The following NOL4 variants were observed in gnomAD, a reference collection of about 807,000 sequenced individuals.
NOL4 encodes the protein nucleolar protein 4.
A neutral mutation model predicts 75.9 loss-of-function variants in NOL4; 17 were observed. The ratio of observed to expected loss-of-function variants is 0.22; its 90% confidence interval spans 0.15 to 0.34. NOL4 has a LOEUF of 0.34. Ranked by LOEUF, NOL4 falls within the 10% of genes least tolerant of loss-of-function variation. NOL4 has a pLI of 1.00. For missense variants in NOL4, 614 were observed against 793.5 expected, an observed-to-expected ratio of 0.77 and a Z score of 2.72; for synonymous variants, 292 against 289.9, an observed-to-expected ratio of 1.01 and a Z score of -0.07.
chr18:33,950,414 ATC>A (rs1384033706), intron 8 of NOL4, among the ~76,000 whole-genome samples: 1 of 152,156 alleles, frequency 6.6e-6, no homozygotes, highest in African/African-American at 2.4e-5. Context: ...AAATTATCTT[ATC>A]TCTCAACTAA....
chr18:34,047,416 T>G (rs970706409), intron 5 of NOL4, among the ~76,000 whole-genome samples: 2 of 152,058 alleles, frequency 1.3e-5, no homozygotes, highest in Admixed American at 1.3e-4. Context: ...TGGAAACAAT[T>G]AAAAAACATC....
In NOL4 at chr18:34,224,855, T is replaced by TA; in HGVS notation, c.-1603_-1602insT. ...GTGTGCGCGCGTCTCCGGGAAGGTC[T>TA]CGCGGCGGCTGGAGCCGGGACTGAC... On this transcript the variant is annotated 5_prime_UTR_variant, in exon 1 of 11. Transcript: ENST00000261592. 1 of 153,660 alleles carries TA rather than the reference T, an allele frequency of 6.5e-6. No individual in the cohort carries two copies. The highest frequency in any genetic ancestry group is 2.0e-4 in the South Asian group (1 of 4,984). 9.5% of individuals were successfully genotyped at this position (153,660 alleles called of 1,614,324 possible).
At chr18:33,859,516 G>A (rs1284147942) in intron 10 of NOL4, among the ~76,000 whole-genome samples, 1 of 151,936 alleles carries the variant, frequency 6.6e-6, no homozygotes, top group African/African-American at 2.4e-5. Context: ...AAACTCTATG[G>A]CTATCATTAT....
At chr18:34,032,415 T>C (rs1342936121) in intron 5 of NOL4, among the ~76,000 whole-genome samples, 1 of 151,976 alleles carries the variant, frequency 6.6e-6, no homozygotes, top group Admixed American at 6.6e-5. Flanking sequence ...GCCCAACTTC[T>C]CCCATCCCAG....
intron 6 of NOL4, among the ~76,000 whole-genome samples, chr18:34,003,317 T>A (rs1405839609): frequency 1.3e-5 from 2 of 152,112 alleles, no homozygotes; most frequent in Non-Finnish European, 2.9e-5. Flanking sequence ...ATTGAGCTTT[T>A]ATAGGGTAGC....
rs1490888555 is a variant in NOL4 at position 34,133,571 on chromosome 18, AATTGATTT to A, written c.265-3559_265-3552del. 1.4e-4 allele frequency among the ~76,000 whole-genome samples: 21 copies of A among 152,270 alleles called. No individual in the cohort carries two copies. In the East Asian group the frequency reaches 2.9e-3, roughly 21 times the overall value. On this transcript the variant is annotated intron_variant, in intron 1 of 10. Transcript: ENST00000261592. Reference sequence around the variant, plus strand: ...AAGGCAACTGGATAAAACAATAGGTAATTGATTTATTGGAATAATAACATAGAGAAATG... The same window carrying A: ...AAGGCAACTGGATAAAACAATAGGTAATTGGAATAATAACATAGAGAAATG...
chr18:34,107,831 C>G (rs1568350958), intron 2 of NOL4, among the ~76,000 whole-genome samples: 1 of 152,028 alleles, frequency 6.6e-6, no homozygotes, highest in African/African-American at 2.4e-5. Flanking sequence ...CTTGAATAAC[C>G]ATCCATGCAC....
At chr18:34,221,127 C>T (rs1225942936) in intron 1 of NOL4, 1 of 152,134 alleles carries the variant, frequency 6.6e-6, no homozygotes, top group Non-Finnish European at 1.5e-5. Flanking sequence ...TGAGTATAAA[C>T]TCATTGTACC....
In NOL4 at chr18:34,019,453, A is replaced by T; in HGVS notation, c.921T>A (p.Ser307Arg). 1 of 1,613,780 alleles carries T rather than the reference A, an allele frequency of 6.2e-7. No homozygotes were observed. Among genetic ancestry groups the T allele is most frequent in the Non-Finnish European group, 8.5e-7 (1 of 1,179,946 alleles). ...TTAGCTGCGCAGAGAGGGGACTGTC[A>T]CTCAGGTTCAGTGGCTGTTCATCTT... ...LEQDEQPLNL[S>R]DSPLSAQLTS... Residue 307 changes from serine to arginine, a missense_variant, in exon 6 of 11, where the codon AGT becomes AGA. This residue lies in a region of NOL4 where 196 missense variants were observed against 167.9 expected (regional missense o/e 1.17). Coordinates refer to ENST00000261592, the MANE Select transcript of NOL4 (RefSeq NM_003787.5).
At chr18:33,993,800 T>A (rs187008215) in intron 6 of NOL4, among the ~76,000 whole-genome samples, 364 of 151,820 alleles carry the variant, frequency 2.4e-3, no homozygotes, top group Non-Finnish European at 4.2e-3. Context: ...AGTTGAAAAG[T>A]ATAGTGATTG....
At chr18:34,146,117 T>C (rs190491562) in intron 1 of NOL4, among the ~76,000 whole-genome samples, 1 of 152,194 alleles carries the variant, frequency 6.6e-6, no homozygotes, top group East Asian at 1.9e-4. Context: ...CAAGGGACTT[T>C]CCATTGCATC....
chr18:33,869,412 T>C (rs1410246727), intron 10 of NOL4, among the ~76,000 whole-genome samples: 4 of 151,932 alleles, frequency 2.6e-5, no homozygotes, highest in Admixed American at 6.6e-5. Context: ...AGGGATGAAA[T>C]TGGGGTGGGT....
intron 1 of NOL4, among the ~76,000 whole-genome samples, chr18:34,212,481 T>G (rs559335964): frequency 2.0e-5 from 3 of 152,360 alleles, no homozygotes; most frequent in African/African-American, 7.2e-5. Flanking sequence ...AAGAACTATG[T>G]ATCAGTTCCA....
intron 2 of NOL4, among the ~76,000 whole-genome samples, chr18:34,124,409 A>G (rs2080288819): frequency 6.6e-6 from 1 of 152,170 alleles, no homozygotes; most frequent in South Asian, 2.1e-4. Context: ...TCAGTTTTTC[A>G]TTTAATGATA....
At chr18:34,039,328 C>T (rs1412433276) in intron 5 of NOL4, among the ~76,000 whole-genome samples, 2 of 151,870 alleles carry the variant, frequency 1.3e-5, no homozygotes, top group East Asian at 3.9e-4. Flanking sequence ...TACTTTTGCT[C>T]ATAGGTCTGG....
At chr18:34,104,218 T>G in intron 3 of NOL4, 59 bp from the exon 4 acceptor site, 2 of 975,938 alleles carry the variant, frequency 2.0e-6, no homozygotes, top group Non-Finnish European at 3.3e-6. Flanking sequence ...CCTGTAATTT[T>G]AAAATGATCT....
chr18:33,989,386 T>C (rs1221471355), intron 6 of NOL4, among the ~76,000 whole-genome samples: 2 of 151,890 alleles, frequency 1.3e-5, no homozygotes, highest in Non-Finnish European at 2.9e-5. Context: ...AGCATACATG[T>C]ATTTACACAA....
chr18:33,888,612 G>C (rs919903466), intron 9 of NOL4, among the ~76,000 whole-genome samples: 2 of 152,044 alleles, frequency 1.3e-5, no homozygotes, highest in African/African-American at 4.8e-5. Context: ...GTAAGGAAGG[G>C]ATCCAGTTTC....
intron 1 of NOL4, among the ~76,000 whole-genome samples, chr18:34,142,442 C>A (rs1168780394): frequency 4.6e-5 from 7 of 152,094 alleles, no homozygotes; most frequent in Admixed American, 4.6e-4. Flanking sequence ...AAATGTCCAT[C>A]AATGATAGAC....
Sources: allele counts gnomAD v4.1 joint callset (sites outside exome capture counted in the v4.1 genomes callset), GRCh38; gene constraint gnomAD v4.1.1; regional missense constraint gnomAD v4.1.1; transcripts MANE v1.5; gene names NCBI Gene and HGNC (gene_info 2026-07-23, HGNC 2026-07-21).